Variants in A1CF observed in about 807,000 individuals in gnomAD.
A1CF encodes APOBEC1 complementation factor.
In A1CF, 48 loss-of-function variants were observed where a neutral mutation model predicts 68.9. That is an observed-to-expected ratio of 0.70 (90% CI 0.55 to 0.89). The LOEUF (loss-of-function observed/expected upper bound fraction) is 0.89, where lower values mean the gene tolerates loss of function less well. Ranked by LOEUF, A1CF falls within the 40% of genes least tolerant of loss-of-function variation. The probability of loss-of-function intolerance (pLI) is 0.00; values close to 1 mark genes in which losing one functional copy is unlikely to be tolerated. For synonymous variants in A1CF, 272 were observed against 260.4 expected, an observed-to-expected ratio of 1.04 and a Z score of -0.43; for missense variants, 653 against 718.9, an observed-to-expected ratio of 0.91 and a Z score of 1.05.
At chr10:50,850,590 A>ATT in intron 3 of A1CF, 1 of 1,424,080 alleles carries the variant, frequency 7.0e-7, no homozygotes, top group African/African-American at 1.6e-5. Context: ...AACAAAAAGC[A>ATT]TTTGTGTGTG....
chr10:50,825,305 A>C (rs940187454), intron 7 of A1CF, among the ~76,000 whole-genome samples: 1 of 152,128 alleles, frequency 6.6e-6, no homozygotes, highest in Non-Finnish European at 1.5e-5. Context: ...TATTACTACT[A>C]TGATAACCCT....
Position 50,836,241 on chromosome 10 carries a change from G to T in A1CF, c.437C>A (p.Thr146Asn). The T allele has an allele frequency of 2.5e-6, 4 of 1,613,888 alleles. No homozygotes were observed. Among genetic ancestry groups the T allele is most frequent in the South Asian group, 1.1e-5 (1 of 91,064 alleles). The change falls in exon 6 of 13, where the codon ACC (threonine) becomes AAC (asparagine). Residue 146 changes from threonine (T) to asparagine (N), a missense_variant. Transcript: ENST00000373997. Reference protein sequence around the residue: ...CRLFVGGIPKTKKREEILSEM... With the variant: ...CRLFVGGIPKNKKREEILSEM... ...CGATAAGATTTCTTCTCTCTTTTTG[G>T]TTTTTGGGATGCCCCCAACAAATAA...
At position 50,828,155 on chromosome 10, in the gene A1CF, T is replaced by C; in HGVS notation, c.745A>G (p.Lys249Glu). The C allele has an allele frequency of 6.3e-7, 1 of 1,589,560 alleles. No individual in the cohort carries two copies. The highest frequency in any genetic ancestry group is 8.6e-7 in the Non-Finnish European group (1 of 1,163,680). ...CCTGGTTTGATATTGTTGAATTCCTTTTCAATCATCTCTTCAGAGGTAGAC... is the reference window on the plus strand; with the variant it reads ...CCTGGTTTGATATTGTTGAATTCCTCTTCAATCATCTCTTCAGAGGTAGAC... ...MLSTSEEMIE[K>E]EFNNIKPGAV... Residue 249 changes from lysine to glutamate, a missense_variant, in exon 7 of 13, where the codon AAG (lysine) becomes GAG (glutamate). Lys to Glu is a moderately conservative substitution (Grantham distance 56). Transcript: ENST00000373997.
chr10:50,825,036 A>T (rs1838852046), intron 7 of A1CF, among the ~76,000 whole-genome samples: 1 of 152,196 alleles, frequency 6.6e-6, no homozygotes, highest in African/African-American at 2.4e-5. Context: ...GGGAAGGCAG[A>T]GTCCCTGAGG....
At chr10:50,835,219 T>C (rs1839432590) in intron 6 of A1CF, among the ~76,000 whole-genome samples, 2 of 152,078 alleles carry the variant, frequency 1.3e-5, no homozygotes, top group African/African-American at 4.8e-5. Flanking sequence ...CTCCTAGTTT[T>C]GAAGATATCT....
At position 50,806,805 on chromosome 10, in the gene A1CF, A is replaced by G. The variant is rs780359015; in HGVS notation, c.1685T>C (p.Leu562Ser). The G allele has an allele frequency of 6.2e-6, 10 of 1,613,620 alleles. No homozygotes were observed. The highest frequency in any genetic ancestry group is 1.7e-4 in the Middle Eastern group (1 of 6,056). ...LKQAVTLGQD[L>S]AAYTTYEVYP... ...GACCTCATAGGTTGTATATGCTGCT[A>G]AGTCTTGTCCAAGGGTTACCGCTTG... The change falls in exon 13 of 13, where the codon TTA becomes TCA. Residue 562 changes from leucine to serine, a missense_variant. Leu to Ser is a moderately radical substitution (Grantham distance 145). Coordinates refer to ENST00000373997, the MANE Select transcript of A1CF (RefSeq NM_014576.4).
At chr10:50,807,100 A>G (rs1366771092) in intron 12 of A1CF, among the ~76,000 whole-genome samples, 1 of 152,232 alleles carries the variant, frequency 6.6e-6, no homozygotes, top group South Asian at 2.1e-4. Flanking sequence ...AAGTGGGGTC[A>G]ACCACCTGTG....
intron 2 of A1CF, among the ~76,000 whole-genome samples, chr10:50,861,983 C>T (rs1465620316): frequency 6.6e-6 from 1 of 150,578 alleles, no homozygotes; most frequent in African/African-American, 2.4e-5. Context: ...ACTAATAGTA[C>T]TACTATTAGT....
intron 1 of A1CF, among the ~76,000 whole-genome samples, chr10:50,878,483 T>C (rs1356450605): frequency 6.6e-6 from 1 of 152,218 alleles, no homozygotes; most frequent in African/African-American, 2.4e-5. Flanking sequence ...AGTTAAATTG[T>C]AGCAAGTGGT....
At chr10:50,857,488 G>A (rs1589027944) in intron 3 of A1CF, among the ~76,000 whole-genome samples, 3 of 152,134 alleles carry the variant, frequency 2.0e-5, no homozygotes, top group Non-Finnish European at 4.4e-5. Flanking sequence ...AAAGAGATTG[G>A]AGAGTTTGAG....
At position 50,801,042 on chromosome 10, in the gene A1CF, A is replaced by G. The variant is rs1837580316; in HGVS notation, c.*5687T>C. 1 of 152,264 alleles carries G rather than the reference A, an allele frequency of 6.6e-6. No individual in the cohort carries two copies. The highest frequency in any genetic ancestry group is 1.5e-5 in the Non-Finnish European group (1 of 68,094). 9.4% of individuals were successfully genotyped at this position (152,264 alleles called of 1,614,324 possible). On this transcript the variant is annotated 3_prime_UTR_variant, in exon 13 of 13. Transcript: ENST00000373997. ...CCTGTGGATCTCTACAGACCAAGCA[A>G]GTGTCCCCAAGAGCTATCTTTTGTC...
At chr10:50,836,945 C>A (rs548513947) in intron 5 of A1CF, among the ~76,000 whole-genome samples, 1 of 152,146 alleles carries the variant, frequency 6.6e-6, no homozygotes, top group East Asian at 1.9e-4. Context: ...ATCCTCACCG[C>A]TCCCTGAAGC....
rs1222370811 is a variant in A1CF, at chr10:50,813,951, C to T, written c.1229G>A (p.Arg410Lys). The T allele has an allele frequency of 6.2e-7, 1 of 1,613,926 alleles. No individual in the cohort carries two copies. The highest frequency in any genetic ancestry group is 8.5e-7 in the Non-Finnish European group (1 of 1,179,888). The change falls in exon 10 of 13, where the codon AGA becomes AAA. Residue 410 changes from arginine to lysine, a missense_variant. By Grantham distance (26) the Arg-to-Lys change is conservative. Coordinates refer to ENST00000373997, the MANE Select transcript of A1CF (RefSeq NM_014576.4). ...TAAAATGTCATAGAGTTTGTCTTCT[C>T]TTTTGTCTCCTTTGACCTGGTATCC... Reference protein sequence around the residue: ...GRGYQVKGDKREDKLYDILPG... With the variant: ...GRGYQVKGDKKEDKLYDILPG...
At chr10:50,809,168 CT>C (rs1837973806) in intron 12 of A1CF, among the ~76,000 whole-genome samples, 1 of 152,116 alleles carries the variant, frequency 6.6e-6, no homozygotes, top group Non-Finnish European at 1.5e-5. Flanking sequence ...AATGTGACCT[CT>C]GAAGGCATTG....
At chr10:50,840,741 GCAGA>G (rs1424750316) in intron 5 of A1CF, among the ~76,000 whole-genome samples, 1 of 152,142 alleles carries the variant, frequency 6.6e-6, no homozygotes, top group East Asian at 1.9e-4. Flanking sequence ...CCACCACAAT[GCAGA>G]CAGTCACCTT....
At chr10:50,840,457 C>CA in intron 5 of A1CF, among the ~76,000 whole-genome samples, 1 of 152,270 alleles carries the variant, frequency 6.6e-6, no homozygotes, top group East Asian at 1.9e-4. Context: ...TGGCTGACTC[C>CA]AAAACTATTG....
In A1CF at chr10:50,803,753, C is replaced by T. The variant is rs571063734; in HGVS notation, c.*2976G>A. The T allele has an allele frequency of 6.6e-6, 1 of 151,966 alleles. No homozygotes were observed. Among genetic ancestry groups the T allele is most frequent in the Non-Finnish European group, 1.5e-5 (1 of 68,008 alleles). 9.4% of individuals were successfully genotyped at this position (151,966 alleles called of 1,614,324 possible). On this transcript the variant is annotated 3_prime_UTR_variant, in exon 13 of 13. Transcript: ENST00000373997. ...ACTAATTCAAATTTACTGGATGTTC[C>T]TAAATTATTGTTTTGTTATTATCAC...
chr10:50,834,505 T>A (rs1457920897), intron 6 of A1CF, among the ~76,000 whole-genome samples: 3 of 152,130 alleles, frequency 2.0e-5, no homozygotes, highest in Admixed American at 2.0e-4. Context: ...AAGGAAGAGT[T>A]TTTATTGGGA....
chr10:50,873,439 C>T (rs1390507144), intron 1 of A1CF, among the ~76,000 whole-genome samples: 1 of 152,182 alleles, frequency 6.6e-6, no homozygotes, highest in Non-Finnish European at 1.5e-5. Flanking sequence ...GTGTTACACA[C>T]AGCTACACAC....
Sources: allele counts gnomAD v4.1 joint callset (sites outside exome capture counted in the v4.1 genomes callset), GRCh38; gene constraint gnomAD v4.1.1; transcripts MANE v1.5; gene names NCBI Gene and HGNC (gene_info 2026-07-23, HGNC 2026-07-21).